Variants in SUMF1 observed in about 807,000 individuals in gnomAD.
SUMF1 encodes the protein formylglycine-generating enzyme.
A neutral mutation model predicts 47.6 loss-of-function variants in SUMF1; 48 were observed. That is an observed-to-expected ratio of 1.01 (90% CI 0.80 to 1.28). The LOEUF is 1.28. Ranked by LOEUF, SUMF1 falls within the 50% of genes most tolerant of loss-of-function variation. SUMF1 has a pLI of 0.00. For synonymous variants in SUMF1, 230 were observed against 192.1 expected (o/e 1.20, Z -1.63); for missense variants, 571 against 485.4 (o/e 1.18, Z -1.66).
In SUMF1 at chr3:4,035,431, TC is replaced by T. The variant is rs547854609; in HGVS notation, c.1191+33137del. Among the ~76,000 whole-genome samples the T allele has an allele frequency of 3.6e-3, 545 of 152,344 alleles. 3 individuals are homozygous for T. Among genetic ancestry groups the T allele is most frequent in the African/African-American group, 0.013 (529 of 41,586 alleles). On this transcript the variant is annotated intron_variant and NMD_transcript_variant, in intron 9 of 12. Coordinates refer to the SUMF1 transcript ENST00000448413. ...TGAGTTTCTCATCTTCTCCCTGTTA[TC>T]ATCCTCTTTTGTCTCTTATGAGAGC...
chr3:4,366,355 A>G (rs1699957559), intron 8 of SUMF1, among the ~76,000 whole-genome samples: 1 of 152,212 alleles, frequency 6.6e-6, no homozygotes, highest in African/African-American at 2.4e-5. Flanking sequence ...AGGTACACCC[A>G]TCAGACGTAG....
At chr3:4,346,510 C>A (rs1290889491) in intron 8 of SUMF1, among the ~76,000 whole-genome samples, 2 of 152,138 alleles carry the variant, frequency 1.3e-5, no homozygotes, top group Non-Finnish European at 2.9e-5. Flanking sequence ...ACCAGAATCT[C>A]TGGGACACAG....
In SUMF1 at chr3:4,461,490, C is replaced by T. The variant is rs908794916; in HGVS notation, c.270+5486G>A. Among the ~76,000 whole-genome samples the T allele has an allele frequency of 2.6e-5, 4 of 152,344 alleles. No homozygotes were observed. In the East Asian group the frequency reaches 5.8e-4, roughly 22 times the overall value. ...GAGAACAGTTGCTCATCCCTCAGCT[C>T]AAAGGACCACAGGAAGCTGTGCCCA... On this transcript the variant is annotated intron_variant, in intron 1 of 8. Transcript: ENST00000272902.
intron 8 of SUMF1, among the ~76,000 whole-genome samples, chr3:4,374,359 A>T (rs977882811): frequency 6.6e-6 from 1 of 152,244 alleles, no homozygotes; most frequent in Non-Finnish European, 1.5e-5. Context: ...AACATAAAAA[A>T]TCAGTACCAT....
intron 8 of SUMF1, among the ~76,000 whole-genome samples, chr3:4,083,576 T>C (rs921892156): frequency 1.3e-5 from 2 of 152,110 alleles, no homozygotes; most frequent in African/African-American, 4.8e-5. Flanking sequence ...ACCACTATCG[T>C]CCATTTGCAA....
intron 8 of SUMF1, among the ~76,000 whole-genome samples, chr3:4,134,345 G>A (rs141443708): frequency 1.3e-4 from 20 of 152,188 alleles, no homozygotes; most frequent in Non-Finnish European, 2.2e-4. Context: ...CATGGAAAAC[G>A]AACAACCTGT....
chr3:4,182,107 A>G (rs948445776), intron 8 of SUMF1, among the ~76,000 whole-genome samples: 1 of 152,182 alleles, frequency 6.6e-6, no homozygotes, highest in Non-Finnish European at 1.5e-5. Context: ...AGGCTGCCCT[A>G]GAGATTCCTA....
intron 7 of SUMF1, among the ~76,000 whole-genome samples, chr3:4,404,363 G>A (rs1319180307): frequency 6.6e-6 from 1 of 152,128 alleles, no homozygotes; most frequent in Non-Finnish European, 1.5e-5. Context: ...TTTATTATCA[G>A]GTGAACTTCA....
intron 8 of SUMF1, among the ~76,000 whole-genome samples, chr3:4,081,546 G>A (rs1692559868): frequency 6.6e-6 from 1 of 152,160 alleles, no homozygotes; most frequent in Non-Finnish European, 1.5e-5. Flanking sequence ...CAGTCCAGTA[G>A]AGTGGTTTAG....
At chr3:4,107,415 C>G (rs1693183388) in intron 8 of SUMF1, among the ~76,000 whole-genome samples, 1 of 152,144 alleles carries the variant, frequency 6.6e-6, no homozygotes, top group Non-Finnish European at 1.5e-5. Context: ...CTCACTCACA[C>G]AGCTGCCTAA....
rs1426710620 is a variant in SUMF1 at position 4,103,430 on chromosome 3, A to G, written c.1015-34685T>C. 3.3e-5 allele frequency among the ~76,000 whole-genome samples: 5 copies of G among 152,064 alleles called. No individual in the cohort carries two copies. In the South Asian group the frequency reaches 8.3e-4, roughly 25 times the overall value. ...GAAGGTCAGCATGGCTGCAGAACTC[A>G]GAGAAGGTTTTATGAAATGGAGGGG... On this transcript the variant is annotated intron_variant and NMD_transcript_variant, in intron 8 of 12. Transcript: ENST00000448413.
intron 8 of SUMF1, among the ~76,000 whole-genome samples, chr3:4,127,260 A>G (rs1693675585): frequency 6.6e-6 from 1 of 152,186 alleles, no homozygotes; most frequent in South Asian, 2.1e-4. Flanking sequence ...TTGGTTACAA[A>G]GCAAATTGTA....
intron 8 of SUMF1, among the ~76,000 whole-genome samples, chr3:4,078,056 C>A (rs1203082004): frequency 1.3e-5 from 2 of 152,008 alleles, no homozygotes; most frequent in Admixed American, 1.3e-4. Flanking sequence ...TGTAGCCAGC[C>A]CTGTTGGCAA....
chr3:4,362,186 C>G lies in SUMF1; in HGVS notation c.1083G>C (p.Leu361=), dbSNP rs759834654. The change falls in exon 9 of 9, where the codon CTG becomes CTC. Residue 361 remains leucine, a synonymous_variant. Transcript: ENST00000272902. ...QNTPDSSASN[L]GFRCAADRLP... is the part of the protein sequence containing the mutation. The stretch of plus-strand genomic sequence containing the variant: ...GGCGGTCGGCTGCACAGCGGAATCC[C>G]AGATTCGAAGCAGAGCTATCAGGTG... 2.5e-6 allele frequency: 4 copies of G among 1,614,178 alleles called. No individual in the cohort carries two copies. The East Asian group carries it at 8.9e-5, about 36-fold the overall frequency.
chr3:4,425,941 C>G (rs1448740003), intron 3 of SUMF1, among the ~76,000 whole-genome samples: 2 of 152,150 alleles, frequency 1.3e-5, no homozygotes, highest in Non-Finnish European at 2.9e-5. Flanking sequence ...AAACCATCAC[C>G]ATGTGATCTC....
intron 8 of SUMF1, among the ~76,000 whole-genome samples, chr3:4,327,221 T>C (rs1698964315): frequency 6.6e-6 from 1 of 152,328 alleles, no homozygotes; most frequent in Non-Finnish European, 1.5e-5. Context: ...TTCAGTCCCA[T>C]GCAATTAACT....
chr3:4,159,872 T>A (rs1191717226), intron 8 of SUMF1, among the ~76,000 whole-genome samples: 1 of 152,178 alleles, frequency 6.6e-6, no homozygotes, highest in Non-Finnish European at 1.5e-5. Context: ...TTTAAATATG[T>A]CATGCCATTC....
intron 1 of SUMF1, among the ~76,000 whole-genome samples, chr3:4,465,860 G>A (rs1211708902): frequency 6.6e-6 from 1 of 152,178 alleles, no homozygotes; most frequent in African/African-American, 2.4e-5. Context: ...CGGAAATATT[G>A]AAGGGGAGAG....
intron 8 of SUMF1, among the ~76,000 whole-genome samples, chr3:4,284,304 C>T (rs1575051674): frequency 6.6e-6 from 1 of 151,326 alleles, no homozygotes; most frequent in East Asian, 1.9e-4. Context: ...GCCAGCTACC[C>T]GGGGGGCTGA....
Sources: gnomAD v4.1 joint callset for allele counts (sites outside exome capture counted in the v4.1 genomes callset) on GRCh38, gnomAD v4.1.1 for gene constraint, MANE v1.5 for transcripts, NCBI Gene and HGNC (gene_info 2026-07-23, HGNC 2026-07-21) for gene names.